Variants in SLIT3 observed in about 807,000 individuals in gnomAD.
SLIT3 encodes slit homolog 3 protein.
In SLIT3, 68 loss-of-function variants were observed where a neutral mutation model predicts 184.0. That is an observed-to-expected ratio of 0.37 (90% CI 0.30 to 0.45). The LOEUF is 0.45. Ranked by LOEUF, SLIT3 falls within the 20% of genes least tolerant of loss-of-function variation. The pLI, the probability that SLIT3 is intolerant of heterozygous loss-of-function variation, is 1.00. For missense variants in SLIT3, 1,707 were observed against 2,026.0 expected (o/e 0.84, Z 3.02); for synonymous variants, 831 against 828.6 (o/e 1.00, Z -0.05).
intron 4 of SLIT3, among the ~76,000 whole-genome samples, chr5:168,942,700 A>T (rs1762365396): frequency 6.6e-6 from 1 of 150,678 alleles, no homozygotes; most frequent in African/African-American, 2.5e-5. Context: ...TGATCACCAG[A>T]TGGGCCATAA....
chr5:169,225,620 T>A (rs745624400), intron 3 of SLIT3, among the ~76,000 whole-genome samples: 1 of 151,630 alleles, frequency 6.6e-6, no homozygotes, highest in Non-Finnish European at 1.5e-5. Flanking sequence ...GAGACTGGAG[T>A]GGGGCCACGC....
In SLIT3 at chr5:169,139,704, C is replaced by T. The variant is rs62376879; in HGVS notation, c.413+53775G>A. Among the ~76,000 whole-genome samples, 1,358 of 151,728 alleles carry T rather than the reference C, an allele frequency of 9.0e-3. 8 individuals are homozygous for T. The highest frequency in any genetic ancestry group is 0.015 in the Non-Finnish European group (998 of 68,026). Reference sequence around the variant, plus strand: ...GAAATAGTTAGTGATGGAGGGAACACGAGGTGCTGACAATATCATACAGGG... The same window carrying T: ...GAAATAGTTAGTGATGGAGGGAACATGAGGTGCTGACAATATCATACAGGG... On this transcript the variant is annotated intron_variant, in intron 4 of 35. Transcript: ENST00000519560.
chr5:169,018,858 G>A (rs954831405), intron 4 of SLIT3, among the ~76,000 whole-genome samples: 4 of 152,160 alleles, frequency 2.6e-5, no homozygotes, highest in Non-Finnish European at 4.4e-5. Context: ...TCTTTGGAAC[G>A]GGAACACGCT....
intron 4 of SLIT3, among the ~76,000 whole-genome samples, chr5:169,058,112 CTGCTGTGTTCT>C (rs2113084736): frequency 6.6e-6 from 1 of 152,366 alleles, no homozygotes; most frequent in African/African-American, 2.4e-5. Context: ...GATGCAGGGA[CTGCTGTGTTCT>C]TGCACGGAAG....
chr5:169,218,978 G>C (rs954680065), intron 3 of SLIT3, among the ~76,000 whole-genome samples: 6 of 152,220 alleles, frequency 3.9e-5, no homozygotes, highest in African/African-American at 1.2e-4. Flanking sequence ...ATGTGAACCA[G>C]ATCAGATCTG....
intron 4 of SLIT3, among the ~76,000 whole-genome samples, chr5:169,136,501 G>T (rs1761505919): frequency 6.6e-6 from 1 of 152,174 alleles, no homozygotes; most frequent in African/African-American, 2.4e-5. Flanking sequence ...ACTGTGAACG[G>T]TCCCTTGACC....
intron 7 of SLIT3, among the ~76,000 whole-genome samples, chr5:168,822,319 C>T (rs1361422466): frequency 6.6e-6 from 1 of 152,238 alleles, no homozygotes; most frequent in South Asian, 2.1e-4. Flanking sequence ...TTCATCTGAT[C>T]CTCACCACCA....
intron 1 of SLIT3, among the ~76,000 whole-genome samples, chr5:169,255,550 T>C (rs369349288): frequency 1.2e-4 from 19 of 152,292 alleles, no homozygotes; most frequent in African/African-American, 4.6e-4. Flanking sequence ...TTAAGCTAAG[T>C]GTTATTACGA....
intron 4 of SLIT3, among the ~76,000 whole-genome samples, chr5:168,969,872 C>T (rs1019964753): frequency 1.3e-4 from 20 of 152,302 alleles, no homozygotes; most frequent in South Asian, 2.1e-4. Context: ...TAATTTCTTC[C>T]TCATCATCCT....
chr5:168,829,947 C>G (rs963223509), intron 6 of SLIT3, among the ~76,000 whole-genome samples: 7 of 152,152 alleles, frequency 4.6e-5, no homozygotes, highest in African/African-American at 1.4e-4. Flanking sequence ...ATTCTTGGGG[C>G]TGTCCTTTAT....
At chr5:169,021,675 C>T (rs1365258607) in intron 4 of SLIT3, among the ~76,000 whole-genome samples, 1 of 152,114 alleles carries the variant, frequency 6.6e-6, no homozygotes, top group Non-Finnish European at 1.5e-5. Flanking sequence ...AAATAGTAAC[C>T]TATGTGTTGC....
At chr5:168,685,546 G>A (rs1191895182) in intron 31 of SLIT3, 141 bp downstream of exon 31, 5 of 1,078,454 alleles carry the variant, frequency 4.6e-6, no homozygotes, top group Non-Finnish European at 6.5e-6. Flanking sequence ...CTCTGGATGA[G>A]TTGGTCCAGA....
intron 1 of SLIT3, among the ~76,000 whole-genome samples, chr5:169,281,274 C>T (rs879356528): frequency 7.2e-5 from 11 of 152,126 alleles, no homozygotes; most frequent in Non-Finnish European, 1.2e-4. Flanking sequence ...GTCAGGTGAT[C>T]GAGACCATCC....
intron 3 of SLIT3, among the ~76,000 whole-genome samples, chr5:169,225,951 GCAGA>G (rs1764792493): frequency 6.6e-6 from 1 of 152,188 alleles, no homozygotes; most frequent in Admixed American, 6.5e-5. Flanking sequence ...CAGAGTGGAA[GCAGA>G]CAGGGAAGAG....
chr5:168,933,035 T>G (rs1175191063), intron 4 of SLIT3, among the ~76,000 whole-genome samples: 1 of 152,064 alleles, frequency 6.6e-6, no homozygotes, highest in Non-Finnish European at 1.5e-5. Flanking sequence ...CTTACAGAGG[T>G]GAACAATATT....
intron 4 of SLIT3, among the ~76,000 whole-genome samples, chr5:168,985,352 A>G (rs1034889961): frequency 1.7e-4 from 26 of 152,216 alleles, no homozygotes; most frequent in African/African-American, 6.0e-4. Context: ...TTGGATCGTC[A>G]TATGAGATTG....
intron 20 of SLIT3, among the ~76,000 whole-genome samples, chr5:168,732,952 A>G (rs1177050478): frequency 6.6e-6 from 1 of 152,190 alleles, no homozygotes; most frequent in Non-Finnish European, 1.5e-5. Context: ...TGTAGTAAAA[A>G]CAAAATTATA....
At chr5:169,079,007 A>C (rs1257145183) in intron 4 of SLIT3, among the ~76,000 whole-genome samples, 1 of 152,214 alleles carries the variant, frequency 6.6e-6, no homozygotes, top group Non-Finnish European at 1.5e-5. Context: ...ATTCTGGAGG[A>C]GATTGGAAAA....
chr5:168,797,995 T>A (rs1175786997), intron 9 of SLIT3, among the ~76,000 whole-genome samples: 1 of 151,976 alleles, frequency 6.6e-6, no homozygotes, highest in African/African-American at 2.4e-5. Context: ...CGTCATGCAG[T>A]CTCTGTGGAA....
Sources: gnomAD v4.1 joint callset for allele counts (sites outside exome capture counted in the v4.1 genomes callset) on GRCh38, gnomAD v4.1.1 for gene constraint, MANE v1.5 for transcripts, NCBI Gene and HGNC (gene_info 2026-07-23, HGNC 2026-07-21) for gene names.